Variants in NR2C2 observed in about 807,000 individuals in gnomAD.
The protein encoded by NR2C2 is nuclear receptor subfamily 2 group C member 2.
NR2C2 carries 6 observed loss-of-function variants against 62.9 expected under a neutral mutation model. That is an observed-to-expected ratio of 0.10 (90% CI 0.05 to 0.19). NR2C2 has a LOEUF of 0.19. Among genes scored for constraint, NR2C2 ranks in the 10% least tolerant of loss-of-function variants. NR2C2 has a pLI of 1.00. For synonymous variants in NR2C2, 272 were observed against 273.8 expected (o/e 0.99, Z 0.07); for missense variants, 479 against 762.7 (o/e 0.63, Z 4.38).
chr3:14,984,194 T>C (rs2040453274), intron 1 of NR2C2, among the ~76,000 whole-genome samples: 1 of 152,232 alleles, frequency 6.6e-6, no homozygotes, highest in Admixed American at 6.5e-5. Flanking sequence ...GGCCTTGTTT[T>C]CTATTTTTAA....
chr3:14,992,180 AAAC>A (rs945727640), intron 1 of NR2C2, among the ~76,000 whole-genome samples: 1 of 151,532 alleles, frequency 6.6e-6, no homozygotes, highest in Admixed American at 6.6e-5. Flanking sequence ...CAAACAACAA[AAAC>A]AACAACAACA....
chr3:15,033,743 A>ACTGCC (rs941176918), intron 10 of NR2C2, among the ~76,000 whole-genome samples: 24 of 147,748 alleles, frequency 1.6e-4, no homozygotes, highest in African/African-American at 5.7e-4. Context: ...ATTGTTACCC[A>ACTGCC]CTGCCCTGAG....
At chr3:15,028,847 C>A in intron 8 of NR2C2, 128 bp downstream of exon 8, 1 of 1,007,540 alleles carries the variant, frequency 9.9e-7, no homozygotes, top group Non-Finnish European at 1.4e-6. Context: ...TTACAATGAC[C>A]CTGCTCATCT....
intron 1 of NR2C2, among the ~76,000 whole-genome samples, chr3:14,961,178 C>T (rs1490564624): frequency 2.0e-5 from 3 of 152,116 alleles, no homozygotes; most frequent in Non-Finnish European, 4.4e-5. Flanking sequence ...ACAGTTTCAT[C>T]CTCCTGTTTC....
At chr3:15,007,349 G>A (rs370092093) in intron 2 of NR2C2, among the ~76,000 whole-genome samples, 21 of 150,078 alleles carry the variant, frequency 1.4e-4, no homozygotes, top group African/African-American at 3.2e-4. Flanking sequence ...GGATGGTCTC[G>A]GTCTCCTGAC....
intron 2 of NR2C2, among the ~76,000 whole-genome samples, chr3:15,013,298 T>TTAAA (rs1297236961): frequency 6.6e-6 from 1 of 152,214 alleles, no homozygotes; most frequent in African/African-American, 2.4e-5. Flanking sequence ...TTTCAAAAAG[T>TTAAA]TAAACCTACT....
At chr3:15,025,938 A>G (rs912409281) in intron 7 of NR2C2, 4 of 151,756 alleles carry the variant, frequency 2.6e-5, no homozygotes, top group Non-Finnish European at 5.9e-5. Context: ...TACTGATTCT[A>G]GTTTTTCATT....
intron 11 of NR2C2, among the ~76,000 whole-genome samples, chr3:15,035,655 G>A (rs1323584427): frequency 3.3e-5 from 5 of 152,232 alleles, no homozygotes; most frequent in African/African-American, 4.8e-5. Context: ...AGCACTTTGG[G>A]AGGCCAAGAC....
chr3:14,989,575 A>C (rs2040607819), intron 1 of NR2C2, among the ~76,000 whole-genome samples: 1 of 152,152 alleles, frequency 6.6e-6, no homozygotes, highest in Admixed American at 6.5e-5. Flanking sequence ...TGGAAGGATC[A>C]CATGAGTTCA....
At chr3:14,953,488 T>G (rs2039429827) in intron 1 of NR2C2, among the ~76,000 whole-genome samples, 1 of 152,192 alleles carries the variant, frequency 6.6e-6, no homozygotes, top group African/African-American at 2.4e-5. Context: ...GCCTGAAGGC[T>G]TCCTGGTTTT....
intron 1 of NR2C2, chr3:14,948,527 G>A (rs1037608954): frequency 1.3e-5 from 2 of 152,362 alleles, no homozygotes; most frequent in Non-Finnish European, 2.9e-5. Context: ...TGGTCCTTAT[G>A]GGGCGCGGGA....
At chr3:14,989,871 G>A (rs1177041418) in intron 1 of NR2C2, among the ~76,000 whole-genome samples, 1 of 139,774 alleles carries the variant, frequency 7.2e-6, no homozygotes, top group Non-Finnish European at 1.5e-5. Flanking sequence ...GATGGAGGTT[G>A]CAGTGAGCCG....
chr3:14,988,477 A>G (rs1432899818), intron 1 of NR2C2, among the ~76,000 whole-genome samples: 1 of 152,264 alleles, frequency 6.6e-6, no homozygotes, highest in Non-Finnish European at 1.5e-5. Context: ...GTGGGTTCCC[A>G]GAAGTATAAT....
chr3:15,025,811 A>T, intron 7 of NR2C2: 1 of 151,334 alleles, frequency 6.6e-6, no homozygotes, highest in Non-Finnish European at 1.5e-5. Flanking sequence ...TTTATATTTC[A>T]CTCTTCTTCA....
At chr3:14,967,508 G>A (rs2039891804) in intron 1 of NR2C2, among the ~76,000 whole-genome samples, 1 of 151,952 alleles carries the variant, frequency 6.6e-6, no homozygotes, top group South Asian at 2.1e-4. Flanking sequence ...CATTAACAAT[G>A]AAATGACTGT....
intron 2 of NR2C2, among the ~76,000 whole-genome samples, chr3:15,007,992 G>A (rs1293262782): frequency 6.6e-6 from 1 of 152,076 alleles, no homozygotes; most frequent in African/African-American, 2.4e-5. Flanking sequence ...GCCCTTTCTC[G>A]GGTGTTTACA....
intron 3 of NR2C2, among the ~76,000 whole-genome samples, chr3:15,015,005 C>T (rs1232609316): frequency 6.6e-6 from 1 of 152,134 alleles, no homozygotes; most frequent in Non-Finnish European, 1.5e-5. Flanking sequence ...GGGATCAGAA[C>T]GCCAACATGT....
chr3:14,967,622 G>C (rs187597464), intron 1 of NR2C2, among the ~76,000 whole-genome samples: 3 of 152,256 alleles, frequency 2.0e-5, no homozygotes, highest in Admixed American at 6.5e-5. Context: ...AACCAAAGCA[G>C]TGAGAGCTTG....
At chr3:15,013,306 A>G (rs1383193653) in intron 2 of NR2C2, among the ~76,000 whole-genome samples, 1 of 152,188 alleles carries the variant, frequency 6.6e-6, no homozygotes, top group Non-Finnish European at 1.5e-5. Flanking sequence ...AGTTAAACCT[A>G]CTATTTATTA....
Sources: gnomAD v4.1 joint callset for allele counts (sites outside exome capture counted in the v4.1 genomes callset) on GRCh38, gnomAD v4.1.1 for gene constraint, MANE v1.5 for transcripts, NCBI Gene and HGNC (gene_info 2026-07-23, HGNC 2026-07-21) for gene names.